Variants in FTO observed in about 807,000 individuals in gnomAD.
The protein encoded by FTO is alpha-ketoglutarate-dependent dioxygenase FTO.
FTO carries 47 observed loss-of-function variants against 63.9 expected under a neutral mutation model. The ratio of observed to expected loss-of-function variants is 0.74; its 90% CI spans 0.58 to 0.94. The LOEUF is 0.94. FTO is among the 40% of genes least tolerant of loss of function. The pLI, the probability that FTO is intolerant of heterozygous loss-of-function variation, is 0.00. For synonymous variants in FTO, 207 were observed against 224.4 expected (o/e 0.92, Z 0.69); for missense variants, 562 against 618.1 (o/e 0.91, Z 0.96).
chr16:53,978,868 A>G (rs1287186512), intron 8 of FTO, among the ~76,000 whole-genome samples: 1 of 152,026 alleles, frequency 6.6e-6, no homozygotes, highest in Admixed American at 6.6e-5. Flanking sequence ...ATGGTGGCAC[A>G]CGTGCCTGTA....
chr16:53,943,237 C>T (rs910410025), intron 8 of FTO, among the ~76,000 whole-genome samples: 1 of 151,952 alleles, frequency 6.6e-6, no homozygotes, highest in African/African-American at 2.4e-5. Context: ...ACTTTTTTCC[C>T]CCAAGATACA....
intron 8 of FTO, among the ~76,000 whole-genome samples, chr16:54,009,749 G>A (rs563362441): frequency 7.2e-5 from 11 of 152,154 alleles, no homozygotes; most frequent in African/African-American, 1.9e-4. Context: ...TCCCACCTAC[G>A]TCCAAGATAC....
chr16:53,931,660 G>T (rs2082287345), intron 7 of FTO, among the ~76,000 whole-genome samples: 1 of 152,024 alleles, frequency 6.6e-6, no homozygotes. Context: ...ACATGAAGTA[G>T]GGTGTCACAG....
rs114374710 is a variant in FTO at position 53,789,561 on chromosome 16, A to G, written c.46-20579A>G. Among the ~76,000 whole-genome samples the G allele has an allele frequency of 1.5e-3, 234 of 152,316 alleles. 1 individual carries two copies. The highest frequency in any genetic ancestry group is 5.3e-3 in the African/African-American group (222 of 41,584). On this transcript the variant is annotated intron_variant, in intron 1 of 8. Transcript: ENST00000471389. ...CATGTATGGTTGATCTATTTGGAGA[A>G]CAATATGTAGCCTCAGACACTTAAG...
At chr16:53,926,008 G>C (rs2082129251) in intron 7 of FTO, among the ~76,000 whole-genome samples, 1 of 151,936 alleles carries the variant, frequency 6.6e-6, no homozygotes, top group Admixed American at 6.6e-5. Context: ...ATGAAGTTTT[G>C]AGCCAGGAGA....
chr16:53,783,604 T>TA (rs753810468), intron 1 of FTO, among the ~76,000 whole-genome samples: 1,804 of 68,012 alleles, frequency 0.027, 94 homozygotes, highest in Admixed American at 0.13. Flanking sequence ...CAAGACTCCA[T>TA]AAAAAAAAAA....
chr16:54,081,797 A>C (rs2086151229), intron 8 of FTO, among the ~76,000 whole-genome samples: 1 of 152,212 alleles, frequency 6.6e-6, no homozygotes, highest in Non-Finnish European at 1.5e-5. Context: ...TATACAGTGG[A>C]AGCCACTAGA....
chr16:54,065,176 G>A (rs1012795812), intron 8 of FTO, among the ~76,000 whole-genome samples: 1 of 127,762 alleles, frequency 7.8e-6, no homozygotes, highest in Non-Finnish European at 1.7e-5. Flanking sequence ...ACTGATTTTT[G>A]ACCTGGGGTC....
At chr16:53,834,266 C>T (rs1275507144) in intron 3 of FTO, among the ~76,000 whole-genome samples, 1 of 152,076 alleles carries the variant, frequency 6.6e-6, no homozygotes, top group East Asian at 1.9e-4. Context: ...CCTTGTGATC[C>T]ACCTGTCTCG....
chr16:53,986,200 T>C (rs2083663389), intron 8 of FTO, among the ~76,000 whole-genome samples: 1 of 152,218 alleles, frequency 6.6e-6, no homozygotes, highest in Non-Finnish European at 1.5e-5. Context: ...CTGTTTAAAA[T>C]AACCACCATG....
At chr16:53,836,099 C>T (rs1952248239) in intron 3 of FTO, among the ~76,000 whole-genome samples, 1 of 152,116 alleles carries the variant, frequency 6.6e-6, no homozygotes, top group African/African-American at 2.4e-5. Flanking sequence ...CCATATTGGC[C>T]AGGCTGGTCT....
chr16:53,994,919 G>C (rs2083900276), intron 8 of FTO, among the ~76,000 whole-genome samples: 1 of 151,878 alleles, frequency 6.6e-6, no homozygotes, highest in African/African-American at 2.4e-5. Context: ...TTTTTTGGTA[G>C]AGACGGGTTT....
At chr16:54,035,413 C>T (rs1383455901) in intron 8 of FTO, among the ~76,000 whole-genome samples, 6 of 152,170 alleles carry the variant, frequency 3.9e-5, no homozygotes, top group Admixed American at 1.3e-4. Flanking sequence ...CCTGTCTAAA[C>T]GTGACTTCAC....
chr16:53,890,486 G>A (rs2081118855), intron 7 of FTO, among the ~76,000 whole-genome samples: 1 of 152,106 alleles, frequency 6.6e-6, no homozygotes, highest in African/African-American at 2.4e-5. Context: ...TAATGAAAAT[G>A]TCAAGTCACA....
intron 8 of FTO, among the ~76,000 whole-genome samples, chr16:53,986,013 A>T (rs2083658536): frequency 6.6e-6 from 1 of 152,112 alleles, no homozygotes; most frequent in African/African-American, 2.4e-5. Flanking sequence ...TATTTTCTAT[A>T]CTCCTGAGCA....
chr16:53,717,625 C>T (rs2075926127), intron 1 of FTO, among the ~76,000 whole-genome samples: 1 of 151,952 alleles, frequency 6.6e-6, no homozygotes, highest in African/African-American at 2.4e-5. Context: ...ATTAGAAAAA[C>T]ATTTTCCCTG....
At chr16:54,061,744 A>G (rs1024552740) in intron 8 of FTO, 5 of 152,076 alleles carry the variant, frequency 3.3e-5, no homozygotes, top group African/African-American at 1.2e-4. Context: ...CTTGTTGACT[A>G]TCTATTTTTC....
At chr16:53,940,661 T>C (rs2082507566) in intron 8 of FTO, among the ~76,000 whole-genome samples, 1 of 152,198 alleles carries the variant, frequency 6.6e-6, no homozygotes, top group Non-Finnish European at 1.5e-5. Context: ...TTCATTTGGG[T>C]CGAAGGAGCC....
intron 8 of FTO, among the ~76,000 whole-genome samples, chr16:53,974,360 A>T (rs895339995): frequency 6.6e-6 from 1 of 152,212 alleles, no homozygotes; most frequent in Admixed American, 6.5e-5. Context: ...TATTATAAAG[A>T]ATTATTTCCG....
Sources: allele counts gnomAD v4.1 joint callset (sites outside exome capture counted in the v4.1 genomes callset), GRCh38; gene constraint gnomAD v4.1.1; transcripts MANE v1.5; gene names NCBI Gene and HGNC (gene_info 2026-07-23, HGNC 2026-07-21).